The following SART1 variants were observed in gnomAD, a reference collection of about 807,000 sequenced individuals.
The protein encoded by SART1 is spliceosome associated factor 1, recruiter of U4/U6.U5 tri-snRNP.
In SART1, 28 loss-of-function variants were observed where a neutral mutation model predicts 105.0. The observed-to-expected ratio is 0.27, with a 90% CI of 0.20 to 0.37. SART1 has a LOEUF of 0.37. Ranked by LOEUF, SART1 falls within the 10% of genes least tolerant of loss-of-function variation. SART1 has a pLI of 1.00. For synonymous variants in SART1, 472 were observed against 462.9 expected, an observed-to-expected ratio of 1.02 and a Z score of -0.25; for missense variants, 894 against 1,106.5, an observed-to-expected ratio of 0.81 and a Z score of 2.72.
Position 65,978,849 on chromosome 11 carries a change from G to A in SART1, c.2319G>A (p.Gln773=). 6.2e-7 allele frequency: 1 copy of A among 1,614,082 alleles called. No individual in the cohort carries two copies. Residue 773 remains glutamine, a synonymous_variant, in exon 19 of 20, where the codon CAG becomes CAA. Coordinates refer to ENST00000312397, the MANE Select transcript of SART1 (RefSeq NM_005146.5). This position sits in a 1 kb window ranked among gnomAD's most constrained non-coding sequence, Gnocchi z 6.8. ...DTPLGTVALL[Q]EKQKAQKTPY... is the part of the protein sequence containing the mutation. The stretch of plus-strand genomic sequence containing the variant: ...CCCTGGGCACCGTGGCCCTGCTCCA[G>A]GAGAAGCAGAAGGCTCAGAAGACCC...
rs1296689856 is a variant in SART1 at position 65,964,145 on chromosome 11, CCCTT to C, written c.371+15_371+18del. On this transcript the variant is annotated intron_variant, in intron 2 of 19. Transcript: ENST00000312397. ...CGAGGAGACTAAGTGAGTACTGTCT[CCCTT>C]GTTTCTACTTTGTTTTTCTAAGAGA... 1 of 1,611,530 alleles carries C rather than the reference CCCTT, an allele frequency of 6.2e-7. No homozygotes were observed. The highest frequency in any genetic ancestry group is 8.5e-7 in the Non-Finnish European group (1 of 1,179,076).
chr11:65,965,591 C>A, intron 5 of SART1, 111 bp from the exon 6 acceptor site: 1 of 1,327,660 alleles, frequency 7.5e-7, no homozygotes. Flanking sequence ...GGATTCTCAG[C>A]AGCTTTCCTG....
At position 65,966,415 on chromosome 11, in the gene SART1, C is replaced by A; in HGVS notation, c.1047C>A (p.Phe349Leu). Residue 349 changes from phenylalanine to leucine, a missense_variant, in exon 9 of 20, where the codon TTC becomes TTA. By Grantham distance (22) the Phe-to-Leu change is conservative. Coordinates refer to ENST00000312397, the MANE Select transcript of SART1 (RefSeq NM_005146.5). ...EELEGERPHS[F>L]RLEQGGTADG... The stretch of plus-strand genomic sequence containing the variant: ...TTGAAGGGGAGCGGCCACATTCCTT[C>A]CGCTTGGAGCAGGGCGGCACGGCTG... 1 of 1,613,894 alleles carries A rather than the reference C, an allele frequency of 6.2e-7. No individual in the cohort carries two copies.
intron 2 of SART1, 63 bp downstream of exon 2, chr11:65,964,194 C>T (rs774992492): frequency 4.8e-5 from 66 of 1,375,294 alleles, no homozygotes; most frequent in South Asian, 2.2e-4. Context: ...GGGGCCAGCA[C>T]GGGGGAGGCT....
At chr11:65,975,354 C>T (rs539733917) in intron 12 of SART1, among the ~76,000 whole-genome samples, 67 of 151,128 alleles carry the variant, frequency 4.4e-4, no homozygotes, top group Non-Finnish European at 7.4e-4. Context: ...CCTCCAGCCT[C>T]GGCCTCCCAA....
intron 1 of SART1, among the ~76,000 whole-genome samples, chr11:65,963,131 G>A (rs1253386118): frequency 6.6e-6 from 1 of 151,884 alleles, no homozygotes; most frequent in African/African-American, 2.4e-5. Context: ...GAGAAGAGGG[G>A]GTCAGGACTA....
At position 65,965,959 on chromosome 11, in the gene SART1, A is replaced by G; in HGVS notation, c.811A>G (p.Thr271Ala). 6.2e-7 allele frequency: 1 copy of G among 1,613,954 alleles called. No homozygotes were observed. The highest frequency in any genetic ancestry group is 2.2e-5 in the East Asian group (1 of 44,882). Reference sequence around the variant, plus strand: ...CATTGATTCCTTCCGAGAAGGGGAGACAATGATTCTTACCCTCAAGGACAA... The same window carrying G: ...CATTGATTCCTTCCGAGAAGGGGAGGCAATGATTCTTACCCTCAAGGACAA... ...HAIDSFREGE[T>A]MILTLKDKGV... The change falls in exon 7 of 20, where the codon ACA becomes GCA. Residue 271 changes from threonine to alanine, a missense_variant. Around this residue, in one of 2 missense-constraint regions of SART1, gnomAD observed 712 missense variants for 778.2 expected, o/e 0.91. Transcript: ENST00000312397.
At position 65,978,512 on chromosome 11, in the gene SART1, C is replaced by A; in HGVS notation, c.2173-88C>A. On this transcript the variant is annotated intron_variant, in intron 17 of 19. Transcript: ENST00000312397. This position sits in a 1 kb window ranked among gnomAD's most constrained non-coding sequence, Gnocchi z 6.8. ...GGCCTGGCATTGGGGTCAATCAACA[C>A]CCGCCCTGTTATTATACACCTTGTG... The A allele has an allele frequency of 7.6e-7, 1 of 1,321,320 alleles. No individual in the cohort carries two copies. The highest frequency in any genetic ancestry group is 1.1e-6 in the Non-Finnish European group (1 of 941,888). The allele number at this position is 1,321,320 out of a possible 1,614,324, so 81.8% of individuals were successfully genotyped here.
At chr11:65,969,540 C>T (rs1369017337) in intron 12 of SART1, among the ~76,000 whole-genome samples, 1 of 152,172 alleles carries the variant, frequency 6.6e-6, no homozygotes, top group Non-Finnish European at 1.5e-5. Flanking sequence ...GCCTTGAACT[C>T]CTGGGCTCAA....
At chr11:65,977,723 C>T (rs745463840) in intron 16 of SART1, 41 bp from the exon 17 acceptor site, 73 of 1,613,674 alleles carry the variant, frequency 4.5e-5, no homozygotes, top group Non-Finnish European at 5.8e-5. Flanking sequence ...CCACAGCAGG[C>T]GGCAGCTCCT....
rs372059769 is a variant in SART1, at chr11:65,978,828, G to C, written c.2298G>C (p.Leu766=). 3.1e-6 allele frequency: 5 copies of C among 1,613,944 alleles called. No individual in the cohort carries two copies. The highest frequency in any genetic ancestry group is 4.2e-6 in the Non-Finnish European group (5 of 1,179,988). Residue 766 remains leucine, a synonymous_variant, in exon 19 of 20, where the codon CTG becomes CTC. Transcript: ENST00000312397. The surrounding 1 kb of genome is among the most constrained non-coding windows in gnomAD (Gnocchi z 6.8). ...LKKMSSSDTP[L]GTVALLQEKQ... ...AGATGAGCTCCAGCGACACGCCCCT[G>C]GGCACCGTGGCCCTGCTCCAGGAGA...
At chr11:65,974,983 T>C (rs1855453633) in intron 12 of SART1, among the ~76,000 whole-genome samples, 1 of 151,868 alleles carries the variant, frequency 6.6e-6, no homozygotes, top group African/African-American at 2.4e-5. Flanking sequence ...GAGCTTGCAG[T>C]GAGCTGAGAT....
intron 12 of SART1, among the ~76,000 whole-genome samples, chr11:65,969,746 C>T (rs974751443): frequency 2.6e-5 from 4 of 151,928 alleles, no homozygotes; most frequent in East Asian, 1.9e-4. Context: ...TTGTTTGAGA[C>T]GGAGTCTCGC....
At chr11:65,977,516 C>A in intron 15 of SART1, 47 bp from the exon 16 acceptor site, 1 of 1,535,124 alleles carries the variant, frequency 6.5e-7, no homozygotes, top group Non-Finnish European at 9.0e-7. Flanking sequence ...GGCCCTGGAG[C>A]TGTGGCTCTC....
At position 65,978,936 on chromosome 11, in the gene SART1, G is replaced by C. The variant is rs777913850; in HGVS notation, c.2384+22G>C. On this transcript the variant is annotated intron_variant, in intron 19 of 19. Coordinates refer to ENST00000312397, the MANE Select transcript of SART1 (RefSeq NM_005146.5). The surrounding 1 kb of genome is among the most constrained non-coding windows in gnomAD (Gnocchi z 6.8). ...ACGCGTGAGTGGCTCGAGGCTGGTG[G>C]GGTAGGGTGTGGTGGGGAGGGGTGG... 8 of 1,613,700 alleles carry C rather than the reference G, an allele frequency of 5.0e-6. No homozygotes were observed. In the East Asian group the frequency reaches 1.3e-4, roughly 27 times the overall value.
rs746249050 is a variant in SART1, at chr11:65,965,115, G to A, written c.451G>A (p.Val151Met). 15 of 1,584,648 alleles carry A rather than the reference G, an allele frequency of 9.5e-6. No individual in the cohort carries two copies. The highest frequency in any genetic ancestry group is 6.9e-5 in the South Asian group (6 of 87,464). ...KKEAGTKEEP[V>M]TADVINPMAL... ...AGAGGCGGGCACCAAGGAGGAGCCC[G>A]TGACAGCTGATGTCATCAACCCTAT... The change falls in exon 4 of 20, where the codon GTG (valine) becomes ATG (methionine). Residue 151 changes from valine (V) to methionine (M), a missense_variant. Coordinates refer to ENST00000312397, the MANE Select transcript of SART1 (RefSeq NM_005146.5).
chr11:65,974,329 G>A (rs1228757932), intron 12 of SART1, among the ~76,000 whole-genome samples: 8 of 143,476 alleles, frequency 5.6e-5, no homozygotes, highest in South Asian at 2.2e-4. Context: ...AGCCAAGATC[G>A]TGCCACTTCA....
Position 65,979,214 on chromosome 11 carries a change from A to G in SART1, c.*184A>G. The G allele has an allele frequency of 1.3e-6, 1 of 765,864 alleles. No individual in the cohort carries two copies. The highest frequency in any genetic ancestry group is 2.2e-6 in the Non-Finnish European group (1 of 464,016). 47.4% of individuals were successfully genotyped at this position (765,864 alleles called of 1,614,324 possible). On this transcript the variant is annotated 3_prime_UTR_variant, in exon 20 of 20. Coordinates refer to ENST00000312397, the MANE Select transcript of SART1 (RefSeq NM_005146.5). ...GACACAAACAACTAAACGATGGAAG[A>G]GAGAGCGAGCCCGGGTCCTCTAAGG...
chr11:65,974,708 T>C (rs924657228), intron 12 of SART1, among the ~76,000 whole-genome samples: 2 of 151,708 alleles, frequency 1.3e-5, no homozygotes, highest in African/African-American at 2.4e-5. Context: ...GCATTAGATA[T>C]ACCTCGTTTT....
Sources: allele counts gnomAD v4.1 joint callset (sites outside exome capture counted in the v4.1 genomes callset), GRCh38; gene constraint gnomAD v4.1.1; regional missense constraint gnomAD v4.1.1; non-coding constraint Gnocchi (gnomAD v3.1); transcripts MANE v1.5; gene names NCBI Gene and HGNC (gene_info 2026-07-23, HGNC 2026-07-21).